The following LPXN variants were observed in gnomAD, a reference collection of about 807,000 sequenced individuals.
LPXN encodes the protein leupaxin.
A neutral mutation model predicts 45.6 loss-of-function variants in LPXN; 28 were observed. That is an observed-to-expected ratio of 0.61 (90% confidence interval 0.45 to 0.84). The LOEUF is 0.84. LPXN is among the 40% of genes least tolerant of loss of function. The probability of loss-of-function intolerance (pLI) is 0.00; values close to 1 mark genes in which losing one functional copy is unlikely to be tolerated. For synonymous variants in LPXN, 166 were observed against 169.9 expected (o/e 0.98, Z 0.18); for missense variants, 459 against 475.0 (o/e 0.97, Z 0.31).
intron 7 of LPXN, 117 bp downstream of exon 7, chr11:58,549,669 T>C: frequency 1.4e-6 from 1 of 730,380 alleles, no homozygotes; most frequent in Non-Finnish European, 2.4e-6. Context: ...AGTACTGAAA[T>C]GGGCACTTTG....
At chr11:58,547,795 G>GT (rs1310050287) in intron 7 of LPXN, among the ~76,000 whole-genome samples, 3 of 152,134 alleles carry the variant, frequency 2.0e-5, no homozygotes, top group Non-Finnish European at 4.4e-5. Context: ...ATTTAGAACT[G>GT]TTTTTTAACA....
At chr11:58,556,582 T>C (rs1019664685) in intron 3 of LPXN, among the ~76,000 whole-genome samples, 9 of 152,068 alleles carry the variant, frequency 5.9e-5, no homozygotes, top group Non-Finnish European at 1.3e-4. Context: ...AGTCTTTCTT[T>C]TAAAATAGAT....
chr11:58,573,498 G>A (rs180896298), intron 1 of LPXN, among the ~76,000 whole-genome samples: 29 of 152,214 alleles, frequency 1.9e-4, no homozygotes, highest in African/African-American at 7.0e-4. Context: ...AAGATTATAA[G>A]AGAGAAGAAA....
rs761690094 is a variant in LPXN, at chr11:58,551,081, T to G, written c.470A>C (p.Lys157Thr). 1 of 1,575,636 alleles carries G rather than the reference T, an allele frequency of 6.3e-7. No homozygotes were observed. Residue 157 changes from lysine (K) to threonine (T), a missense_variant, in exon 5 of 9, where the codon AAA becomes ACA. Coordinates refer to ENST00000395074, the MANE Select transcript of LPXN (RefSeq NM_004811.3). ...CCATCTCACCTTCCCAGCAATCGGT[T>G]TCTGGCAGGATGCACAATGGCCCTT... is the stretch of plus-strand genomic sequence containing the variant. Reference protein sequence around the residue: ...VPKGHCASCQKPIAGKVIHAL... With the variant: ...VPKGHCASCQTPIAGKVIHAL...
chr11:58,574,429 C>T (rs980814761), intron 1 of LPXN, among the ~76,000 whole-genome samples: 6 of 152,130 alleles, frequency 3.9e-5, no homozygotes, highest in African/African-American at 1.4e-4. Context: ...AAGTGGATAA[C>T]ACCTATTTCA....
intron 7 of LPXN, among the ~76,000 whole-genome samples, chr11:58,532,492 T>A (rs909941903): frequency 6.6e-6 from 1 of 152,178 alleles, no homozygotes; most frequent in Admixed American, 6.5e-5. Context: ...GGCTCAGGGA[T>A]TGTAAATGCA....
intron 7 of LPXN, among the ~76,000 whole-genome samples, 156 bp from the exon 8 acceptor site, chr11:58,528,347 G>A (rs1038445900): frequency 6.6e-6 from 1 of 152,206 alleles, no homozygotes. Context: ...AAATAAATGA[G>A]ATAATGCAGA....
intron 3 of LPXN, among the ~76,000 whole-genome samples, chr11:58,562,153 G>A (rs760051522): frequency 1.3e-5 from 2 of 152,026 alleles, no homozygotes; most frequent in Non-Finnish European, 2.9e-5. Context: ...ATTATTACCA[G>A]AATTATTTTT....
intron 3 of LPXN, among the ~76,000 whole-genome samples, chr11:58,555,748 A>G (rs2120352606): frequency 8.2e-6 from 1 of 121,220 alleles, no homozygotes; most frequent in East Asian, 2.5e-4. Context: ...AAACACACAC[A>G]CACACACACT....
intron 7 of LPXN, among the ~76,000 whole-genome samples, chr11:58,532,556 CTG>C (rs1853424578): frequency 6.6e-6 from 1 of 151,628 alleles, no homozygotes; most frequent in Admixed American, 6.6e-5. Context: ...AATCAGTGCT[CTG>C]TGTCTAGCTA....
intron 2 of LPXN, among the ~76,000 whole-genome samples, chr11:58,566,413 T>C (rs1854530258): frequency 6.6e-6 from 1 of 152,112 alleles, no homozygotes; most frequent in Non-Finnish European, 1.5e-5. Context: ...CAAAGCACTT[T>C]TGCTCAATAA....
intron 7 of LPXN, among the ~76,000 whole-genome samples, chr11:58,544,860 G>C (rs919162850): frequency 6.6e-6 from 1 of 152,144 alleles, no homozygotes; most frequent in Non-Finnish European, 1.5e-5. Context: ...ACATTGAAGA[G>C]CTCATCCCTG....
intron 4 of LPXN, among the ~76,000 whole-genome samples, chr11:58,552,799 T>TG (rs1311607986): frequency 1.3e-5 from 2 of 152,146 alleles, no homozygotes; most frequent in African/African-American, 4.8e-5. Context: ...TCTGAAAGGG[T>TG]GACTGACATT....
intron 7 of LPXN, among the ~76,000 whole-genome samples, chr11:58,538,028 T>C (rs1476893240): frequency 1.3e-5 from 2 of 149,906 alleles, no homozygotes; most frequent in African/African-American, 4.9e-5. Flanking sequence ...TGGCGTTTGG[T>C]TTTTTGTCCT....
intron 1 of LPXN, among the ~76,000 whole-genome samples, chr11:58,570,972 T>C (rs1247954312): frequency 6.6e-6 from 1 of 152,236 alleles, no homozygotes; most frequent in Non-Finnish European, 1.5e-5. Flanking sequence ...TGCTATAATT[T>C]GATTTTTTAT....
Position 58,527,387 on chromosome 11 carries a change from AC to A in LPXN, c.*66del. ...GCAGAAGGTCAGTAACAGAAAATTT[AC>A]CCTTTCCTCTCCTCTCTTGGTTTAA... On this transcript the variant is annotated 3_prime_UTR_variant, in exon 9 of 9. Transcript: ENST00000395074. The A allele has an allele frequency of 6.5e-7, 1 of 1,543,096 alleles. No homozygotes were observed. Among genetic ancestry groups the A allele is most frequent in the Non-Finnish European group, 8.9e-7 (1 of 1,125,628 alleles).
intron 3 of LPXN, among the ~76,000 whole-genome samples, chr11:58,556,881 G>A (rs1473524610): frequency 6.6e-6 from 1 of 152,146 alleles, no homozygotes; most frequent in Non-Finnish European, 1.5e-5. Context: ...ATTAAACAAT[G>A]AGCAAAGGAC....
intron 7 of LPXN, among the ~76,000 whole-genome samples, chr11:58,540,645 T>G (rs1177621578): frequency 6.6e-6 from 1 of 152,332 alleles, no homozygotes; most frequent in African/African-American, 2.4e-5. Context: ...AGCACATTTA[T>G]GTTTAGACTG....
At chr11:58,574,701 C>T (rs1022806418) in intron 1 of LPXN, among the ~76,000 whole-genome samples, 7 of 152,142 alleles carry the variant, frequency 4.6e-5, no homozygotes, top group African/African-American at 1.7e-4. Context: ...AAGAGTCTGG[C>T]CCAATATCAA....
Sources: allele counts gnomAD v4.1 joint callset (sites outside exome capture counted in the v4.1 genomes callset), GRCh38; gene constraint gnomAD v4.1.1; transcripts MANE v1.5; gene names NCBI Gene and HGNC (gene_info 2026-07-23, HGNC 2026-07-21).